The following TAFA1 variants were observed in gnomAD, a reference collection of about 807,000 sequenced individuals.
TAFA1 encodes the protein chemokine-like protein TAFA-1.
A neutral mutation model predicts 18.5 loss-of-function variants in TAFA1; 4 were observed. That is an observed-to-expected ratio of 0.22 (90% CI 0.11 to 0.49). The LOEUF is 0.49. Ranked by LOEUF, TAFA1 falls within the 20% of genes least tolerant of loss-of-function variation. TAFA1 has a pLI of 0.98. For synonymous variants in TAFA1, 56 were observed against 55.2 expected (o/e 1.01, Z -0.06); for missense variants, 147 against 169.0 (o/e 0.87, Z 0.72).
At chr3:68,408,495 T>C (rs894481095) in intron 2 of TAFA1, among the ~76,000 whole-genome samples, 1 of 152,186 alleles carries the variant, frequency 6.6e-6, no homozygotes, top group African/African-American at 2.4e-5. Flanking sequence ...CATATCCACA[T>C]AATGGATATT....
chr3:68,073,687 A>T (rs2064785503), intron 2 of TAFA1, among the ~76,000 whole-genome samples: 1 of 152,110 alleles, frequency 6.6e-6, no homozygotes, highest in Admixed American at 6.5e-5. Flanking sequence ...TCTCCAATGT[A>T]TATTAGTTAT....
At chr3:68,420,124 C>T (rs1440119574) in intron 3 of TAFA1, among the ~76,000 whole-genome samples, 1 of 152,162 alleles carries the variant, frequency 6.6e-6, no homozygotes, top group Non-Finnish European at 1.5e-5. Flanking sequence ...TGTCTTAATA[C>T]ATTATCTGAG....
chr3:68,407,213 T>C (rs1342108565), intron 2 of TAFA1, among the ~76,000 whole-genome samples: 3 of 152,094 alleles, frequency 2.0e-5, no homozygotes, highest in African/African-American at 4.8e-5. Context: ...GATGATAATT[T>C]CAATAGTATT....
At chr3:68,118,065 T>C (rs1229159805) in intron 2 of TAFA1, among the ~76,000 whole-genome samples, 2 of 152,164 alleles carry the variant, frequency 1.3e-5, no homozygotes, top group African/African-American at 2.4e-5. Context: ...TTCAGGATGA[T>C]TCAAGCGCAT....
intron 2 of TAFA1, among the ~76,000 whole-genome samples, chr3:68,018,661 G>A (rs1704619559): frequency 6.6e-6 from 1 of 152,208 alleles, no homozygotes; most frequent in African/African-American, 2.4e-5. Context: ...GGCACACAGT[G>A]AGGGCCAAAT....
At chr3:68,017,115 T>C (rs1559703356) in intron 2 of TAFA1, among the ~76,000 whole-genome samples, 1 of 152,176 alleles carries the variant, frequency 6.6e-6, no homozygotes. Flanking sequence ...TATAAATAAA[T>C]CAATAAATCC....
chr3:68,122,918 TAC>T (rs1370225821), intron 2 of TAFA1, among the ~76,000 whole-genome samples: 1 of 151,584 alleles, frequency 6.6e-6, no homozygotes, highest in African/African-American at 2.4e-5. Flanking sequence ...GTATATGTTT[TAC>T]ACACACACAT....
chr3:68,505,393 AT>A (rs1325848257), intron 3 of TAFA1, among the ~76,000 whole-genome samples: 2 of 152,112 alleles, frequency 1.3e-5, no homozygotes, highest in Non-Finnish European at 2.9e-5. Flanking sequence ...CACATTTTAA[AT>A]TCATCTCTGT....
chr3:68,285,137 C>T (rs1039456177), intron 2 of TAFA1, among the ~76,000 whole-genome samples: 2 of 152,080 alleles, frequency 1.3e-5, no homozygotes, highest in African/African-American at 2.4e-5. Flanking sequence ...ATGGATGAAA[C>T]TCAAAACACT....
intron 3 of TAFA1, among the ~76,000 whole-genome samples, chr3:68,432,930 A>G (rs779460200): frequency 2.6e-5 from 4 of 151,962 alleles, no homozygotes; most frequent in Non-Finnish European, 5.9e-5. Context: ...TCTTCTCACT[A>G]TAGAGACTCC....
intron 2 of TAFA1, among the ~76,000 whole-genome samples, chr3:68,370,470 GTGTATATATATATA>G (rs1385652102): frequency 9.0e-4 from 28 of 31,158 alleles, no homozygotes; most frequent in African/African-American, 2.5e-3. Flanking sequence ...GTGTGTGTGT[GTGTATATATATATA>G]TATATATATA....
At chr3:68,122,673 C>T (rs936763255) in intron 2 of TAFA1, among the ~76,000 whole-genome samples, 4 of 151,760 alleles carry the variant, frequency 2.6e-5, no homozygotes, top group Non-Finnish European at 1.5e-5. Flanking sequence ...AAGGCAAAGC[C>T]TGAAAAAAAG....
chr3:68,399,906 T>A (rs2070456063), intron 2 of TAFA1, among the ~76,000 whole-genome samples: 1 of 152,228 alleles, frequency 6.6e-6, no homozygotes, highest in African/African-American at 2.4e-5. Flanking sequence ...TGGGTTCATC[T>A]ATACCGCCTC....
chr3:68,341,165 T>C (rs1342131675), intron 2 of TAFA1, among the ~76,000 whole-genome samples: 1 of 152,128 alleles, frequency 6.6e-6, no homozygotes, highest in Non-Finnish European at 1.5e-5. Context: ...GAGACCATAG[T>C]TTTATTAATA....
intron 2 of TAFA1, among the ~76,000 whole-genome samples, chr3:68,074,877 G>A (rs2064805430): frequency 6.6e-6 from 1 of 152,236 alleles, no homozygotes; most frequent in Non-Finnish European, 1.5e-5. Flanking sequence ...CAGGATAGTT[G>A]TCAACATACA....
intron 2 of TAFA1, among the ~76,000 whole-genome samples, chr3:68,092,660 A>T (rs1266245010): frequency 6.6e-6 from 1 of 152,188 alleles, no homozygotes; most frequent in Non-Finnish European, 1.5e-5. Flanking sequence ...TAAAGAGTTT[A>T]TAGGTACATT....
intron 2 of TAFA1, among the ~76,000 whole-genome samples, chr3:68,073,169 G>A (rs116513122): frequency 0.014 from 2,061 of 152,252 alleles, 52 homozygotes; most frequent in African/African-American, 0.046. Flanking sequence ...CTTTGAGTAG[G>A]CTTTGCTGTT....
intron 2 of TAFA1, among the ~76,000 whole-genome samples, chr3:68,277,038 A>T (rs1441176144): frequency 6.6e-6 from 1 of 152,170 alleles, no homozygotes; most frequent in Non-Finnish European, 1.5e-5. Context: ...TCATGGATTT[A>T]TTTATTCCTC....
chr3:68,014,940 G>C (rs928301077), intron 2 of TAFA1, among the ~76,000 whole-genome samples: 1 of 152,084 alleles, frequency 6.6e-6, no homozygotes, highest in Admixed American at 6.6e-5. Context: ...CCTACCTGCA[G>C]GCTGTCAGTG....
Sources: allele counts gnomAD v4.1 joint callset (sites outside exome capture counted in the v4.1 genomes callset), GRCh38; gene constraint gnomAD v4.1.1; transcripts MANE v1.5; gene names NCBI Gene and HGNC (gene_info 2026-07-23, HGNC 2026-07-21).